Variants in RYR2 observed in about 807,000 individuals in gnomAD.
RYR2 encodes cardiac muscle ryanodine receptor-calcium release channel.
A neutral mutation model predicts 601.1 loss-of-function variants in RYR2; 227 were observed. The observed-to-expected ratio is 0.38, with a 90% CI of 0.34 to 0.42. RYR2 has a LOEUF of 0.42. RYR2 is among the 10% of genes least tolerant of loss of function. The pLI is 1.00. For missense variants in RYR2, 4,646 were observed against 6,156.5 expected (o/e 0.75, Z 8.21); for synonymous variants, 2,223 against 2,175.1 (o/e 1.02, Z -0.61).
intron 42 of RYR2, among the ~76,000 whole-genome samples, chr1:237,632,565 T>G (rs191818192): frequency 3.9e-5 from 6 of 152,078 alleles, no homozygotes; most frequent in African/African-American, 1.4e-4. Flanking sequence ...CTGCTAATTT[T>G]TTTGGTATTT....
At chr1:237,511,551 TG>T (rs2147765928) in intron 23 of RYR2, 136 bp from the exon 24 acceptor site, 2 of 632,884 alleles carry the variant, frequency 3.2e-6, no homozygotes, top group Non-Finnish European at 5.8e-6. Flanking sequence ...TGAGAGGTTG[TG>T]GGGGCAGCTT....
intron 2 of RYR2, among the ~76,000 whole-genome samples, chr1:237,298,061 A>C (rs1372432171): frequency 6.6e-6 from 1 of 151,752 alleles, no homozygotes; most frequent in Non-Finnish European, 1.5e-5. Flanking sequence ...GCCCAGCCAT[A>C]ATGTTTAAAA....
At chr1:237,696,415 T>G (rs2149009452) in intron 63 of RYR2, among the ~76,000 whole-genome samples, 1 of 152,216 alleles carries the variant, frequency 6.6e-6, no homozygotes, top group Admixed American at 6.5e-5. Flanking sequence ...GCCCTAGGCC[T>G]TTTTTCTTCT....
At chr1:237,545,840 G>A (rs956463045) in intron 25 of RYR2, among the ~76,000 whole-genome samples, 1 of 151,700 alleles carries the variant, frequency 6.6e-6, no homozygotes, top group Non-Finnish European at 1.5e-5. Context: ...CAGGAGGACT[G>A]CTTGAGGCCA....
In RYR2 at chr1:237,643,384, A is replaced by G. The variant is rs1298695512; in HGVS notation, c.7279A>G (p.Ile2427Val). 1.2e-6 allele frequency: 2 copies of G among 1,613,876 alleles called. No individual in the cohort carries two copies. The highest frequency in any genetic ancestry group is 1.7e-6 in the Non-Finnish European group (2 of 1,179,834). ...IRIRSILRSL[I>V]PLGDLVGVIS... Reference sequence around the variant, plus strand: ...AATTAGGTCCATTTTGAGATCCCTCATTCCCCTGGGAGATTTGGTGGGCGT... The same window carrying G: ...AATTAGGTCCATTTTGAGATCCCTCGTTCCCCTGGGAGATTTGGTGGGCGT... Residue 2427 changes from isoleucine (I) to valine (V), a missense_variant, in exon 48 of 105, where the codon ATT (isoleucine) becomes GTT (valine). Coordinates refer to ENST00000366574, the MANE Select transcript of RYR2 (RefSeq NM_001035.3).
intron 28 of RYR2, among the ~76,000 whole-genome samples, chr1:237,567,540 T>C (rs1672219757): frequency 6.6e-6 from 1 of 151,742 alleles, no homozygotes. Context: ...CAATGAGCCA[T>C]GATCACACCA....
intron 17 of RYR2, among the ~76,000 whole-genome samples, chr1:237,484,030 A>G (rs994396202): frequency 1.3e-5 from 2 of 152,160 alleles, no homozygotes; most frequent in Non-Finnish European, 2.9e-5. Context: ...TGTTTCCTTT[A>G]CATGGGGCAG....
At chr1:237,224,874 A>G (rs887766213) in intron 1 of RYR2, among the ~76,000 whole-genome samples, 1 of 152,172 alleles carries the variant, frequency 6.6e-6, no homozygotes, top group Non-Finnish European at 1.5e-5. Flanking sequence ...AAAAAAAATT[A>G]TAAGTTACTA....
At chr1:237,683,894 C>T (rs1686119365) in intron 62 of RYR2, among the ~76,000 whole-genome samples, 2 of 150,150 alleles carry the variant, frequency 1.3e-5, no homozygotes, top group Admixed American at 1.3e-4. Context: ...ATAGGTGGTG[C>T]TGCCCACTGA....
At chr1:237,631,286 A>T in intron 41 of RYR2, 141 bp from the exon 42 acceptor site, 2 of 593,334 alleles carry the variant, frequency 3.4e-6, no homozygotes, top group Non-Finnish European at 5.9e-6. Context: ...TACATTCATT[A>T]ATTTTTGTGG....
At chr1:237,684,934 G>GGAA (rs1553281751) in intron 62 of RYR2, among the ~76,000 whole-genome samples, 1 of 147,688 alleles carries the variant, frequency 6.8e-6, no homozygotes, top group Non-Finnish European at 1.5e-5. Flanking sequence ...TAATTAGAGA[G>GGAA]AAAAAAAAAA....
intron 1 of RYR2, among the ~76,000 whole-genome samples, chr1:237,049,273 A>G (rs1254604567): frequency 6.6e-6 from 1 of 152,204 alleles, no homozygotes; most frequent in African/African-American, 2.4e-5. Flanking sequence ...TGTATTTCAA[A>G]TGAGCAGCTG....
chr1:237,607,781 C>T (rs1399931501), intron 35 of RYR2, among the ~76,000 whole-genome samples: 2 of 152,066 alleles, frequency 1.3e-5, no homozygotes, highest in African/African-American at 4.8e-5. Flanking sequence ...GTTGAGGTTC[C>T]AGGCACACAT....
At chr1:237,733,077 A>G (rs1427058490) in intron 78 of RYR2, among the ~76,000 whole-genome samples, 1 of 151,882 alleles carries the variant, frequency 6.6e-6, no homozygotes, top group Non-Finnish European at 1.5e-5. Context: ...GCATAGAGCA[A>G]CTCTCTCTCT....
intron 67 of RYR2, among the ~76,000 whole-genome samples, chr1:237,706,201 A>G (rs1042765384): frequency 6.6e-6 from 1 of 152,092 alleles, no homozygotes; most frequent in African/African-American, 2.4e-5. Context: ...GTGAGCCAAG[A>G]CTGCGCCACT....
At chr1:237,192,301 T>C (rs574659171) in intron 1 of RYR2, among the ~76,000 whole-genome samples, 102 of 152,218 alleles carry the variant, frequency 6.7e-4, no homozygotes, top group African/African-American at 2.4e-3. Context: ...CTCCGCCTCC[T>C]GGGTTCAAGC....
Position 237,203,919 on chromosome 1 carries a change from C to T in RYR2, c.49-66578C>T, listed in dbSNP as rs550586486. The stretch of plus-strand genomic sequence containing the variant: ...CCATAGATTAGTTTTCCTTGTTCTT[C>T]GACTTCACATAAATGAAATAATACA... On this transcript the variant is annotated intron_variant, in intron 1 of 104. Transcript: ENST00000366574. 4.5e-4 allele frequency among the ~76,000 whole-genome samples: 68 copies of T among 152,262 alleles called. 1 individual carries two copies. Among genetic ancestry groups the T allele is most frequent in the African/African-American group, 1.5e-3 (64 of 41,550 alleles).
At chr1:237,553,793 ATTAGT>A (rs1670629483) in intron 27 of RYR2, among the ~76,000 whole-genome samples, 2 of 152,008 alleles carry the variant, frequency 1.3e-5, no homozygotes, top group East Asian at 1.9e-4. Context: ...ATTAAATGAA[ATTAGT>A]TTAAAGTTCA....
intron 62 of RYR2, among the ~76,000 whole-genome samples, chr1:237,683,912 A>C (rs1241244588): frequency 9.6e-6 from 1 of 103,744 alleles, no homozygotes; most frequent in Admixed American, 1.1e-4. Flanking sequence ...TGATCCATTT[A>C]GCAGGTGGGT....
Sources: allele counts gnomAD v4.1 joint callset (sites outside exome capture counted in the v4.1 genomes callset), GRCh38; gene constraint gnomAD v4.1.1; transcripts MANE v1.5; gene names NCBI Gene and HGNC (gene_info 2026-07-23, HGNC 2026-07-21).